Variants in DPP6 observed in about 807,000 individuals in gnomAD.
DPP6 encodes the protein dipeptidyl peptidase like 6, also known as A-type potassium channel modulatory protein DPP6.
Under a neutral mutation model 122.6 loss-of-function variants are expected in DPP6, and 69 were observed. That is an observed-to-expected ratio of 0.56 (90% CI 0.46 to 0.69). DPP6 has a LOEUF of 0.69. Among genes scored for constraint, DPP6 ranks in the 30% least tolerant of loss-of-function variants. The pLI, the probability that DPP6 is intolerant of heterozygous loss-of-function variation, is 0.00. For missense variants in DPP6, 928 were observed against 1,116.9 expected (o/e 0.83, Z 2.41); for synonymous variants, 418 against 433.1 (o/e 0.97, Z 0.43).
intron 3 of DPP6, among the ~76,000 whole-genome samples, chr7:154,491,101 T>C (rs1824240947): frequency 6.6e-6 from 1 of 152,220 alleles, no homozygotes; most frequent in Admixed American, 6.5e-5. Flanking sequence ...TCCCAATCTC[T>C]CATGGGATGT....
Position 154,602,825 on chromosome 7 carries a change from G to A in DPP6, c.628-34996G>A, listed in dbSNP as rs1225800359. Among the ~76,000 whole-genome samples the A allele has an allele frequency of 1.7e-5, 2 of 114,988 alleles. 1 individual carries two copies. Among genetic ancestry groups the A allele is most frequent in the East Asian group, 7.6e-4 (2 of 2,644 alleles). 75.4% of individuals were successfully genotyped at this position (114,988 alleles called of 152,430 possible). A position where few individuals can be genotyped will look rare whatever the true frequency, so the allele number is the denominator to read the frequency against. Reference sequence around the variant, plus strand: ...TGCAGTGGTGCGATCTCTATTCACTGCAACCTCTGCCTCCCATCTTAATTC... The same window carrying A: ...TGCAGTGGTGCGATCTCTATTCACTACAACCTCTGCCTCCCATCTTAATTC... On this transcript the variant is annotated intron_variant, in intron 5 of 25. Transcript: ENST00000377770.
At chr7:154,857,527 C>A (rs1286148920) in intron 17 of DPP6, among the ~76,000 whole-genome samples, 1 of 152,200 alleles carries the variant, frequency 6.6e-6, no homozygotes, top group Non-Finnish European at 1.5e-5. Context: ...GTGTGTTTAC[C>A]TTTTGATATG....
At chr7:153,869,630 G>A in the DPP6 span, among the ~76,000 whole-genome samples, 22 of 152,168 alleles carry the variant, frequency 1.4e-4, no homozygotes, top group African/African-American at 4.8e-4. Context: ...TCTTTTAATC[G>A]GAGCATTTAG....
intron 1 of DPP6, among the ~76,000 whole-genome samples, chr7:153,913,298 T>G (rs1020235809): frequency 6.6e-6 from 1 of 152,070 alleles, no homozygotes; most frequent in Non-Finnish European, 1.5e-5. Flanking sequence ...GGTCTCAAAC[T>G]CCTGACCTCA....
intron 5 of DPP6, among the ~76,000 whole-genome samples, chr7:154,568,660 C>G (rs1343993532): frequency 1.3e-5 from 2 of 152,246 alleles, no homozygotes; most frequent in South Asian, 4.2e-4. Context: ...TGATAAAGAT[C>G]ATTTTGCTAA....
intron 1 of DPP6, among the ~76,000 whole-genome samples, chr7:154,041,943 G>C (rs545256698): frequency 1.4e-4 from 21 of 152,222 alleles, no homozygotes; most frequent in African/African-American, 4.3e-4. Context: ...ATTTTTAGTA[G>C]AGCCGGGGTT....
rs554966471 is a variant in DPP6, at chr7:154,611,450, G to A, written c.628-26371G>A. ...CCCACAACAAAAAGTGGACCTCTTT[G>A]GTTATCCAAGAGAGATGTTTTGTCT... On this transcript the variant is annotated intron_variant, in intron 5 of 25. Transcript: ENST00000377770. 7.0e-4 allele frequency among the ~76,000 whole-genome samples: 107 copies of A among 152,208 alleles called. 2 individuals are homozygous for A. The highest frequency in any genetic ancestry group is 2.5e-3 in the African/African-American group (103 of 41,540).
rs768089998 is a variant in DPP6, at chr7:154,804,931, C to G, written c.1514C>G (p.Thr505Arg). 1.2e-6 allele frequency: 2 copies of G among 1,602,888 alleles called. No individual in the cohort carries two copies. The highest frequency in any genetic ancestry group is 1.1e-5 in the South Asian group (1 of 88,456). The change falls in exon 15 of 26, where the codon ACG (threonine) becomes AGG (arginine). Residue 505 changes from threonine (T) to arginine (R), a missense_variant. Physicochemically the swap from Thr to Arg is moderately conservative, Grantham distance 71 (BLOSUM62 -1). Coordinates refer to ENST00000377770, the MANE Select transcript of DPP6 (RefSeq NM_130797.4). Reference sequence around the variant, plus strand: ...GATCTTTGCAGCTACTTCCTGAGCACGGAGGACCTGCCTCGGAGACGACAA... The same window carrying G: ...GATCTTTGCAGCTACTTCCTGAGCAGGGAGGACCTGCCTCGGAGACGACAA... ...EKGNKIYFLS[T>R]EDLPRRRQLY...
At chr7:154,537,980 AATATG>A (rs1379105261) in intron 3 of DPP6, among the ~76,000 whole-genome samples, 2 of 152,274 alleles carry the variant, frequency 1.3e-5, no homozygotes, top group East Asian at 3.9e-4. Flanking sequence ...TCACCTCAGA[AATATG>A]ATATAATATA....
intron 8 of DPP6, among the ~76,000 whole-genome samples, chr7:154,766,593 C>T (rs1795912994): frequency 6.6e-6 from 1 of 152,234 alleles, no homozygotes; most frequent in South Asian, 2.1e-4. Flanking sequence ...AGGCGTGTCT[C>T]TAAGTTTCCT....
At chr7:154,217,287 CTA>C (rs1382151908) in intron 1 of DPP6, among the ~76,000 whole-genome samples, 1 of 152,174 alleles carries the variant, frequency 6.6e-6, no homozygotes, top group African/African-American at 2.4e-5. Context: ...AGCTCTGAAG[CTA>C]TGTCTAGCAC....
chr7:154,861,274 TA>T (rs1803371155), intron 17 of DPP6, among the ~76,000 whole-genome samples: 2 of 152,212 alleles, frequency 1.3e-5, no homozygotes, highest in Admixed American at 1.3e-4. Context: ...ATGTTTCCCC[TA>T]CACATTTTTA....
intron 1 of DPP6, among the ~76,000 whole-genome samples, chr7:154,363,609 C>T (rs1473487784): frequency 6.6e-6 from 1 of 152,082 alleles, no homozygotes; most frequent in South Asian, 2.1e-4. Context: ...TGTCTGAGCA[C>T]GTGCGCGGAA....
chr7:154,892,237 G>A (rs950058602), intron 25 of DPP6, 97 bp from the exon 26 acceptor site: 22 of 1,531,992 alleles, frequency 1.4e-5, no homozygotes, highest in South Asian at 1.3e-4. Flanking sequence ...AGCCCCGGAC[G>A]GGGCCCAGGT....
chr7:154,575,301 G>C, intron 5 of DPP6, among the ~76,000 whole-genome samples: 1 of 107,990 alleles, frequency 9.3e-6, no homozygotes, highest in Non-Finnish European at 1.9e-5. Context: ...TGTGTGTGGG[G>C]GGTGTATGTG....
At chr7:154,277,759 T>C (rs529258662) in intron 1 of DPP6, among the ~76,000 whole-genome samples, 13 of 152,338 alleles carry the variant, frequency 8.5e-5, no homozygotes, top group Admixed American at 7.8e-4. Flanking sequence ...GGTGAGATTC[T>C]GTCTCCAAAA....
chr7:154,519,952 AG>A (rs1185854569), intron 3 of DPP6, among the ~76,000 whole-genome samples: 2 of 152,240 alleles, frequency 1.3e-5, no homozygotes, highest in Non-Finnish European at 2.9e-5. Context: ...TGCTAAACAT[AG>A]CTGATCTCAA....
chr7:154,018,509 G>A (rs538413564), intron 1 of DPP6, among the ~76,000 whole-genome samples: 1 of 152,190 alleles, frequency 6.6e-6, no homozygotes, highest in Non-Finnish European at 1.5e-5. Context: ...GAACAGGCAA[G>A]TGTCCCTATA....
intron 1 of DPP6, among the ~76,000 whole-genome samples, chr7:154,167,325 C>CA (rs1389770497): frequency 6.6e-6 from 1 of 152,188 alleles, no homozygotes; most frequent in East Asian, 1.9e-4. Context: ...AGTAGCTTAG[C>CA]AAGTGGTATT....
Sources: gnomAD v4.1 joint callset for allele counts (sites outside exome capture counted in the v4.1 genomes callset) on GRCh38, gnomAD v4.1.1 for gene constraint, MANE v1.5 for transcripts, NCBI Gene and HGNC (gene_info 2026-07-23, HGNC 2026-07-21) for gene names.